PHACTR1: variants seen among roughly 807,000 people sequenced by gnomAD.
PHACTR1 encodes the protein RPEL repeat containing 1.
A neutral mutation model predicts 69.2 loss-of-function variants in PHACTR1; 16 were observed. The ratio of observed to expected loss-of-function variants is 0.23; its 90% CI spans 0.16 to 0.35. PHACTR1 has a LOEUF of 0.35. Ranked by LOEUF, PHACTR1 falls within the 10% of genes least tolerant of loss-of-function variation. PHACTR1 has a pLI of 1.00. For missense variants in PHACTR1, 510 were observed against 734.7 expected (o/e 0.69, Z 3.54); for synonymous variants, 312 against 284.5 (o/e 1.10, Z -0.97).
At chr6:12,974,520 C>T (rs1794631010) in intron 4 of PHACTR1, among the ~76,000 whole-genome samples, 1 of 152,194 alleles carries the variant, frequency 6.6e-6, no homozygotes. Flanking sequence ...AGGATATCTG[C>T]TCTCTGACAT....
intron 5 of PHACTR1, among the ~76,000 whole-genome samples, chr6:13,081,891 A>G (rs562532928): frequency 1.3e-5 from 2 of 152,336 alleles, no homozygotes; most frequent in African/African-American, 4.8e-5. Flanking sequence ...CTACAGCAAT[A>G]GACTTCATTT....
chr6:13,234,337 A>G (rs1402565246), intron 10 of PHACTR1, among the ~76,000 whole-genome samples: 2 of 152,260 alleles, frequency 1.3e-5, no homozygotes, highest in African/African-American at 4.8e-5. Flanking sequence ...ACAAAAAGTA[A>G]CTAAAAGAAT....
At chr6:12,944,600 T>C (rs1290208258) in intron 4 of PHACTR1, among the ~76,000 whole-genome samples, 3 of 152,132 alleles carry the variant, frequency 2.0e-5, no homozygotes, top group Non-Finnish European at 2.9e-5. Flanking sequence ...CAAAAGAACA[T>C]ATCTGTCCCC....
At chr6:12,803,034 C>T (rs775402512) in intron 4 of PHACTR1, among the ~76,000 whole-genome samples, 3 of 152,142 alleles carry the variant, frequency 2.0e-5, no homozygotes, top group Non-Finnish European at 4.4e-5. Context: ...AAGGTGAACA[C>T]GTGTGTTAAA....
intron 5 of PHACTR1, among the ~76,000 whole-genome samples, chr6:13,134,613 C>T (rs1219388013): frequency 6.6e-6 from 1 of 151,854 alleles, no homozygotes; most frequent in African/African-American, 2.4e-5. Context: ...TAAGAGTCAT[C>T]ACCACTCCCT....
chr6:12,755,743 G>A lies in PHACTR1; in HGVS notation c.250+5953G>A, dbSNP rs748057162. On this transcript the variant is annotated intron_variant, in intron 4 of 14. Transcript: ENST00000332995. ...GAGTGAGGAAACTAAATACTAATTC[G>A]GCTCCTAATTGGCATTTCAAGTCTT... Among the ~76,000 whole-genome samples, 7 of 152,032 alleles carry A rather than the reference G, an allele frequency of 4.6e-5. 1 individual carries two copies. The East Asian group carries it at 5.8e-4, about 13-fold the overall frequency.
At chr6:13,120,131 C>T (rs1178953165) in intron 5 of PHACTR1, among the ~76,000 whole-genome samples, 1 of 152,132 alleles carries the variant, frequency 6.6e-6, no homozygotes, top group Non-Finnish European at 1.5e-5. Context: ...CAAGAGTTTA[C>T]AAATATTTTA....
At chr6:12,749,338 C>T in intron 3 of PHACTR1, 1 of 464,586 alleles carries the variant, frequency 2.2e-6, no homozygotes, top group Non-Finnish European at 4.2e-6. Flanking sequence ...GGCCCCTCGG[C>T]CCTGTGGCTG....
chr6:12,826,771 A>T (rs1442137128), intron 4 of PHACTR1, among the ~76,000 whole-genome samples: 7 of 152,308 alleles, frequency 4.6e-5, no homozygotes, highest in Admixed American at 2.0e-4. Flanking sequence ...ATAATAACTC[A>T]GGTTAAGGAC....
intron 8 of PHACTR1, among the ~76,000 whole-genome samples, chr6:13,209,798 C>G (rs556131015): frequency 8.5e-5 from 13 of 152,308 alleles, no homozygotes; most frequent in African/African-American, 3.1e-4. Context: ...AAAGTTCCCT[C>G]TCTATTAAAA....
At chr6:12,845,288 C>T (rs1308351929) in intron 4 of PHACTR1, among the ~76,000 whole-genome samples, 2 of 152,032 alleles carry the variant, frequency 1.3e-5, no homozygotes, top group Non-Finnish European at 2.9e-5. Context: ...ATAAGTGTTA[C>T]CCATCACATA....
At chr6:13,240,751 T>C (rs1772721164) in intron 10 of PHACTR1, among the ~76,000 whole-genome samples, 3 of 152,168 alleles carry the variant, frequency 2.0e-5, no homozygotes, top group African/African-American at 7.2e-5. Context: ...CCAGCCAGGA[T>C]ATTTGGCTAA....
At chr6:13,278,668 A>G (rs1280234094) in intron 12 of PHACTR1, among the ~76,000 whole-genome samples, 1 of 152,220 alleles carries the variant, frequency 6.6e-6, no homozygotes, top group Non-Finnish European at 1.5e-5. Context: ...CAAAATCAGT[A>G]GTTCAAAGGC....
intron 4 of PHACTR1, among the ~76,000 whole-genome samples, chr6:12,965,534 C>T (rs373307497): frequency 5.5e-5 from 8 of 146,398 alleles, no homozygotes; most frequent in East Asian, 4.0e-4. Context: ...TGCTGAAGTG[C>T]GATGCAGTGC....
intron 4 of PHACTR1, among the ~76,000 whole-genome samples, chr6:12,880,980 TA>T (rs138291141): frequency 0.017 from 2,610 of 152,304 alleles, 94 homozygotes; most frequent in African/African-American, 0.06. Flanking sequence ...GGTCATTATC[TA>T]AGGGGGATAT....
intron 4 of PHACTR1, among the ~76,000 whole-genome samples, chr6:12,964,549 G>A (rs1228226866): frequency 1.3e-5 from 2 of 152,150 alleles, no homozygotes; most frequent in Admixed American, 1.3e-4. Context: ...GAGGCATGGT[G>A]GCCAGGCCAG....
intron 4 of PHACTR1, among the ~76,000 whole-genome samples, chr6:12,993,278 G>A (rs1294361763): frequency 6.6e-6 from 1 of 152,192 alleles, no homozygotes; most frequent in Non-Finnish European, 1.5e-5. Context: ...CCATGCTCTT[G>A]TTTACTCTCT....
intron 4 of PHACTR1, among the ~76,000 whole-genome samples, chr6:12,941,766 G>A (rs1790087623): frequency 6.6e-6 from 1 of 152,192 alleles, no homozygotes; most frequent in Non-Finnish European, 1.5e-5. Context: ...TCAGCCAGAA[G>A]CAAGCATACA....
At position 13,219,126 on chromosome 6, in the gene PHACTR1, G is replaced by A. The variant is rs143260717; in HGVS notation, c.987-8690G>A. Among the ~76,000 whole-genome samples, 496 of 152,256 alleles carry A rather than the reference G, an allele frequency of 3.3e-3. 4 individuals are homozygous for A. Among genetic ancestry groups the A allele is most frequent in the African/African-American group, 0.011 (467 of 41,538 alleles). ...CATCCTGTAGATGTGATGAGAGGAA[G>A]GCAGTTTTAAATGTGTGCCTTTTAT... On this transcript the variant is annotated intron_variant, in intron 8 of 14. Coordinates refer to ENST00000332995, the MANE Select transcript of PHACTR1 (RefSeq NM_030948.6).
Sources: gnomAD v4.1 joint callset for allele counts (sites outside exome capture counted in the v4.1 genomes callset) on GRCh38, gnomAD v4.1.1 for gene constraint, MANE v1.5 for transcripts, NCBI Gene and HGNC (gene_info 2026-07-23, HGNC 2026-07-21) for gene names.